Variants in WDR83 observed in about 807,000 individuals in gnomAD.
WDR83 encodes WD repeat domain 83.
WDR83 carries 37 observed loss-of-function variants against 37.7 expected under a neutral mutation model. The observed-to-expected ratio is 0.98, with a 90% CI of 0.76 to 1.29. The LOEUF is 1.29. Ranked by LOEUF, WDR83 falls within the 50% of genes most tolerant of loss-of-function variation. The pLI, the probability that WDR83 is intolerant of heterozygous loss-of-function variation, is 0.00. For missense variants in WDR83, 445 were observed against 414.4 expected (o/e 1.07, Z -0.64); for synonymous variants, 174 against 181.1 (o/e 0.96, Z 0.31).
chr19:12,675,768 T>C lies in WDR83; in HGVS notation c.*96T>C. ...TCTAGAGACGTAGCTGACCAAAAAG[T>C]AGGGGAGGGGCTGGGTCTGCAAATT... is the stretch of plus-strand genomic sequence containing the variant. On this transcript the variant is annotated 3_prime_UTR_variant, in exon 11 of 11. Coordinates refer to ENST00000418543, the MANE Select transcript of WDR83 (RefSeq NM_001099737.3). 6.4e-7 allele frequency: 1 copy of C among 1,566,028 alleles called. No individual in the cohort carries two copies. Among genetic ancestry groups the C allele is most frequent in the Non-Finnish European group, 8.7e-7 (1 of 1,154,246 alleles).
intron 2 of WDR83, chr19:12,669,233 C>A (rs1209611434): frequency 1.2e-6 from 2 of 1,613,850 alleles, no homozygotes; most frequent in Non-Finnish European, 1.7e-6. Flanking sequence ...GGGGCTTGTA[C>A]CTGCGACAGG....
At chr19:12,669,425 CGCCTCTTCCGCTGCAGGA>C (rs1173752636) in intron 2 of WDR83, 1 of 1,582,524 alleles carries the variant, frequency 6.3e-7, no homozygotes, top group South Asian at 1.1e-5. Context: ...GGCCAGATCA[CGCCTCTTCCGCTGCAGGA>C]ATCGCAGCTT....
Position 12,669,808 on chromosome 19 carries a change from A to G in WDR83, c.18A>G (p.Pro6=). 6.2e-7 allele frequency: 1 copy of G among 1,609,576 alleles called. No individual in the cohort carries two copies. Among genetic ancestry groups the G allele is most frequent in the East Asian group, 2.2e-5 (1 of 44,836 alleles). Residue 6 remains proline, a synonymous_variant, in exon 3 of 11, where the codon CCA becomes CCG. Transcript: ENST00000418543. ...CTGGGAGCATGGCTTTCCCTGAGCC[A>G]AAGCCGCGGCCTCCAGAGCTGCCGC... The part of the protein sequence containing the change: MAFPE[P]KPRPPELPQK...
At chr19:12,670,640 C>T (rs917149342) in intron 6 of WDR83, 29 bp downstream of exon 6, 1 of 1,614,106 alleles carries the variant, frequency 6.2e-7, no homozygotes, top group African/African-American at 1.3e-5. Context: ...CACGGGGGCC[C>T]AGGGTGCTGC....
intron 7 of WDR83, 61 bp downstream of exon 7, chr19:12,670,882 T>C (rs943083334): frequency 1.8e-5 from 29 of 1,567,942 alleles, no homozygotes; most frequent in Non-Finnish European, 2.3e-5. Flanking sequence ...GCTGCCCCCA[T>C]GCTCAGATTA....
intron 2 of WDR83, chr19:12,669,404 A>T (rs759762570): frequency 3.1e-6 from 5 of 1,594,446 alleles, no homozygotes; most frequent in Non-Finnish European, 2.6e-6. Context: ...TAGTGGACAT[A>T]GCGAGTCGAA....
At chr19:12,669,475 G>C (rs2024347358) in intron 2 of WDR83, 3 of 1,535,772 alleles carry the variant, frequency 2.0e-6, no homozygotes, top group Non-Finnish European at 2.6e-6. Flanking sequence ...GCTGAGGGCG[G>C]ATTTTAGAGT....
intron 2 of WDR83, chr19:12,669,337 G>A (rs2024341717): frequency 1.2e-6 from 2 of 1,605,252 alleles, no homozygotes; most frequent in Non-Finnish European, 1.7e-6. Context: ...CCGTGCCCAC[G>A]ACGCTGGGGT....
chr19:12,668,703 C>T (rs528785462), intron 2 of WDR83, 76 bp downstream of exon 2: 3 of 1,113,106 alleles, frequency 2.7e-6, no homozygotes, highest in African/African-American at 3.1e-5. Context: ...CAGATCATGC[C>T]CACTGATTCC....
chr19:12,668,378 G>A (rs1361663326), intron 1 of WDR83, 130 bp from the exon 2 acceptor site: 1 of 1,613,264 alleles, frequency 6.2e-7, no homozygotes, highest in Non-Finnish European at 8.5e-7. Context: ...GGGCGTCATG[G>A]GCTGAGGATT....
intron 10 of WDR83, 28 bp from the exon 11 acceptor site, chr19:12,675,495 T>A: frequency 6.3e-7 from 1 of 1,597,944 alleles, no homozygotes; most frequent in Non-Finnish European, 8.5e-7. Context: ...CAGCCACAGA[T>A]AACCACTCCC....
chr19:12,674,061 G>A lies in WDR83; in HGVS notation c.798+745G>A, dbSNP rs1056634766. On this transcript the variant is annotated intron_variant, in intron 10 of 10. Transcript: ENST00000418543. The stretch of plus-strand genomic sequence containing the variant: ...AGGCAAAGGGAACAGCATATGTTAA[G>A]AGGTGTAGCCTGCGCATGCATCAGT... 5.3e-5 allele frequency among the ~76,000 whole-genome samples: 8 copies of A among 152,210 alleles called. No individual in the cohort carries two copies. In the East Asian group the frequency reaches 1.3e-3, roughly 26 times the overall value.
chr19:12,673,021 C>T lies in WDR83; in HGVS notation c.588C>T (p.Cys196=), dbSNP rs1289252742. The T allele has an allele frequency of 1.9e-6, 3 of 1,613,586 alleles. No individual in the cohort carries two copies. The highest frequency in any genetic ancestry group is 1.7e-6 in the Non-Finnish European group (2 of 1,179,630). The change falls in exon 9 of 11, where the codon TGC becomes TGT. Residue 196 remains cysteine, a synonymous_variant. Transcript: ENST00000418543. ...FSDYVGSPIT[C]TCFSRDGQCT... is the part of the protein sequence containing the mutation. ...CCTTCCCCCAAGGCCCCATCACCTGCACCTGCTTCAGCCGGGATGGGCAGT... is the reference window on the plus strand; with the variant it reads ...CCTTCCCCCAAGGCCCCATCACCTGTACCTGCTTCAGCCGGGATGGGCAGT...
At chr19:12,668,313 C>T (rs1192630754) in intron 1 of WDR83, 195 bp from the exon 2 acceptor site, 3 of 1,576,166 alleles carry the variant, frequency 1.9e-6, no homozygotes, top group Admixed American at 3.7e-5. Context: ...AAAGCCCAGG[C>T]CTAGTGGATA....
intron 1 of WDR83, among the ~76,000 whole-genome samples, chr19:12,667,777 T>G (rs1425537869): frequency 1.3e-5 from 2 of 152,070 alleles, no homozygotes; most frequent in Non-Finnish European, 2.9e-5. Flanking sequence ...GAACATAGAT[T>G]GTGCCACTGC....
In WDR83 at chr19:12,670,093, G is replaced by A. The variant is rs775295719; in HGVS notation, c.220G>A (p.Ala74Thr). The A allele has an allele frequency of 6.2e-7, 1 of 1,609,722 alleles. No individual in the cohort carries two copies. The highest frequency in any genetic ancestry group is 8.5e-7 in the Non-Finnish European group (1 of 1,177,164). The part of the protein sequence containing the change: ...SGHGYEVLDA[A>T]GSFDNSSLCS... Reference sequence around the variant, plus strand: ...CCACGGCTACGAGGTGCTGGATGCGGCCGGGTGAGCCGGGGACCAGGCTGG... The same window carrying A: ...CCACGGCTACGAGGTGCTGGATGCGACCGGGTGAGCCGGGGACCAGGCTGG... Residue 74 changes from alanine (A) to threonine (T), a missense_variant, in exon 4 of 11, where the codon GCC (alanine) becomes ACC (threonine). Transcript: ENST00000418543.
At chr19:12,673,153 T>A in intron 9 of WDR83, 37 bp downstream of exon 9, 1 of 1,611,432 alleles carries the variant, frequency 6.2e-7, no homozygotes, top group Admixed American at 1.7e-5. Context: ...CCTTCCCTCC[T>A]CTCCCACCCC....
chr19:12,674,890 T>G (rs985170533), intron 10 of WDR83, among the ~76,000 whole-genome samples: 1 of 132,388 alleles, frequency 7.6e-6, no homozygotes. Flanking sequence ...CCGAGGGGGG[T>G]GGATCACGAG....
chr19:12,673,348 G>A, intron 10 of WDR83, 32 bp downstream of exon 10: 2 of 1,506,544 alleles, frequency 1.3e-6, no homozygotes, highest in Non-Finnish European at 1.8e-6. Context: ...TTCATACCTA[G>A]ATGCCTGCCC....
Sources: gnomAD v4.1 joint callset for allele counts (sites outside exome capture counted in the v4.1 genomes callset) on GRCh38, gnomAD v4.1.1 for gene constraint, MANE v1.5 for transcripts, NCBI Gene and HGNC (gene_info 2026-07-23, HGNC 2026-07-21) for gene names.